Variants in ARID2 observed in about 807,000 individuals in gnomAD.
ARID2 encodes AT-rich interaction domain 2, also known as AT-rich interactive domain-containing protein 2.
In ARID2, 32 loss-of-function variants were observed where a neutral mutation model predicts 184.6. That is an observed-to-expected ratio of 0.17 (90% CI 0.13 to 0.23). The LOEUF (loss-of-function observed/expected upper bound fraction) is 0.23. ARID2 is among the 10% of genes least tolerant of loss of function. The probability of loss-of-function intolerance (pLI) is 1.00; values close to 1 mark genes in which losing one functional copy is unlikely to be tolerated. For missense variants in ARID2, 1,696 were observed against 2,197.6 expected, an observed-to-expected ratio of 0.77 and a Z score of 4.56; for synonymous variants, 836 against 772.6, an observed-to-expected ratio of 1.08 and a Z score of -1.36.
At chr12:45,781,286 G>A (rs1308078432) in intron 3 of ARID2, among the ~76,000 whole-genome samples, 1 of 147,372 alleles carries the variant, frequency 6.8e-6, no homozygotes, top group Admixed American at 6.9e-5. Flanking sequence ...TCATCTCAAA[G>A]TTTGACTAGG....
chr12:45,823,318 G>A (rs890604392), intron 6 of ARID2, among the ~76,000 whole-genome samples: 3 of 152,014 alleles, frequency 2.0e-5, no homozygotes, highest in African/African-American at 7.2e-5. Context: ...TAAGAGGGAA[G>A]CTTATAGCAA....
At chr12:45,739,583 G>A (rs1407921177) in intron 3 of ARID2, among the ~76,000 whole-genome samples, 1 of 151,312 alleles carries the variant, frequency 6.6e-6, no homozygotes, top group African/African-American at 2.4e-5. Context: ...ATATGGCCAG[G>A]TTTCATAATT....
intron 6 of ARID2, among the ~76,000 whole-genome samples, chr12:45,835,015 A>G (rs1313342181): frequency 2.0e-5 from 3 of 152,104 alleles, no homozygotes; most frequent in South Asian, 2.1e-4. Flanking sequence ...AGAACTTTTC[A>G]CTGTGTGCCT....
intron 3 of ARID2, among the ~76,000 whole-genome samples, chr12:45,732,619 G>A (rs996856095): frequency 2.0e-5 from 3 of 152,098 alleles, no homozygotes; most frequent in Non-Finnish European, 2.9e-5. Flanking sequence ...TATATTCATC[G>A]TGACATTCAT....
chr12:45,751,846 C>T (rs1306224661), intron 3 of ARID2, among the ~76,000 whole-genome samples: 1 of 152,126 alleles, frequency 6.6e-6, no homozygotes, highest in African/African-American at 2.4e-5. Flanking sequence ...ATATTATAAT[C>T]TTATGGGAGC....
chr12:45,750,639 A>G (rs1357064947), intron 3 of ARID2, among the ~76,000 whole-genome samples: 1 of 152,194 alleles, frequency 6.6e-6, no homozygotes, highest in African/African-American at 2.4e-5. Context: ...CAAAGTAACT[A>G]CTATTTTTGA....
At chr12:45,784,660 T>C (rs564296688) in intron 3 of ARID2, among the ~76,000 whole-genome samples, 1 of 152,328 alleles carries the variant, frequency 6.6e-6, no homozygotes, top group African/African-American at 2.4e-5. Context: ...TGAGACCTTG[T>C]CTCAAGAAAA....
chr12:45,776,781 C>CTT (rs745431917), intron 3 of ARID2, among the ~76,000 whole-genome samples: 94 of 112,396 alleles, frequency 8.4e-4, no homozygotes, highest in Non-Finnish European at 1.0e-3. Context: ...GAGATTCCGG[C>CTT]TTTTTTTTTT....
chr12:45,830,436 T>G (rs1943094796), intron 6 of ARID2, among the ~76,000 whole-genome samples: 1 of 152,144 alleles, frequency 6.6e-6, no homozygotes, highest in South Asian at 2.1e-4. Flanking sequence ...TGGGGCATTA[T>G]TTTTAACCCA....
At chr12:45,755,308 T>TACA (rs1227312785) in intron 3 of ARID2, among the ~76,000 whole-genome samples, 10 of 152,168 alleles carry the variant, frequency 6.6e-5, no homozygotes, top group Admixed American at 6.6e-4. Context: ...CTTACATTGG[T>TACA]ATGTGGGATA....
chr12:45,821,967 G>T (rs2138099632), intron 6 of ARID2, among the ~76,000 whole-genome samples: 1 of 152,266 alleles, frequency 6.6e-6, no homozygotes, highest in African/African-American at 2.4e-5. Flanking sequence ...ACTACAAAAA[G>T]ACTTGAACAA....
intron 11 of ARID2, among the ~76,000 whole-genome samples, chr12:45,846,610 T>C (rs1943446081): frequency 6.6e-6 from 1 of 152,136 alleles, no homozygotes; most frequent in Non-Finnish European, 1.5e-5. Context: ...CCATATTAAT[T>C]GTTATTATTT....
At chr12:45,811,651 CACTT>C in intron 4 of ARID2, 100 bp downstream of exon 4, 9 of 1,252,284 alleles carry the variant, frequency 7.2e-6, no homozygotes, top group Non-Finnish European at 9.7e-6. Flanking sequence ...CACATGAGAA[CACTT>C]AAGGCCTTAA....
At chr12:45,817,978 C>T (rs1305183807) in intron 5 of ARID2, 90 bp downstream of exon 5, 9 of 900,496 alleles carry the variant, frequency 1.0e-5, no homozygotes, top group South Asian at 2.1e-5. Context: ...TGTTTGTCAA[C>T]ATAATAGCAT....
intron 3 of ARID2, among the ~76,000 whole-genome samples, chr12:45,764,334 C>CATT (rs926294349): frequency 7.2e-5 from 11 of 151,970 alleles, no homozygotes; most frequent in Non-Finnish European, 1.3e-4. Flanking sequence ...TTTTGCTTGA[C>CATT]ATTACTTAAG....
At chr12:45,855,682 G>T (rs541658042) in intron 15 of ARID2, among the ~76,000 whole-genome samples, 1 of 152,268 alleles carries the variant, frequency 6.6e-6, no homozygotes, top group Admixed American at 6.5e-5. Context: ...TTAACAGAAA[G>T]CCATAACCAT....
intron 3 of ARID2, among the ~76,000 whole-genome samples, chr12:45,740,424 TAC>T (rs1170842247): frequency 1.3e-5 from 2 of 152,150 alleles, no homozygotes; most frequent in African/African-American, 2.4e-5. Flanking sequence ...TGCACACTCA[TAC>T]ACACACTATC....
chr12:45,847,433 C>T (rs1437166187), intron 12 of ARID2, among the ~76,000 whole-genome samples: 1 of 151,842 alleles, frequency 6.6e-6, no homozygotes, highest in Non-Finnish European at 1.5e-5. Context: ...AATGATAGAA[C>T]AGAAATAAGC....
chr12:45,756,504 T>C (rs1227549420), intron 3 of ARID2, among the ~76,000 whole-genome samples: 1 of 152,222 alleles, frequency 6.6e-6, no homozygotes, highest in African/African-American at 2.4e-5. Context: ...TTGCTTCCAC[T>C]CTAACTCACC....
Sources: allele counts gnomAD v4.1 joint callset (sites outside exome capture counted in the v4.1 genomes callset), GRCh38; gene constraint gnomAD v4.1.1; transcripts MANE v1.5; gene names NCBI Gene and HGNC (gene_info 2026-07-23, HGNC 2026-07-21).